Variants in HNF4G observed in about 807,000 individuals in gnomAD.
HNF4G encodes the protein hepatocyte nuclear factor 4-gamma.
Under a neutral mutation model 50.9 loss-of-function variants are expected in HNF4G, and 21 were observed. The ratio of observed to expected loss-of-function variants is 0.41; its 90% CI spans 0.29 to 0.59. The LOEUF is 0.59. HNF4G is among the 20% of genes least tolerant of loss of function. The pLI is 0.26. For missense variants in HNF4G, 527 were observed against 559.4 expected (o/e 0.94, Z 0.58); for synonymous variants, 198 against 185.6 (o/e 1.07, Z -0.54).
At chr8:75,563,838 T>C in intron 9 of HNF4G, 137 bp from the exon 10 acceptor site, 2 of 916,850 alleles carry the variant, frequency 2.2e-6, no homozygotes, top group Non-Finnish European at 3.2e-6. Context: ...TAATGCATTC[T>C]ACAAATCACT....
chr8:75,508,322 A>C (rs1275857499), intron 2 of HNF4G, among the ~76,000 whole-genome samples: 1 of 151,948 alleles, frequency 6.6e-6, no homozygotes, highest in Non-Finnish European at 1.5e-5. Context: ...TATCCAAATA[A>C]AATATGTTTC....
chr8:75,494,770 T>G (rs1051924851), intron 2 of HNF4G, among the ~76,000 whole-genome samples: 45 of 151,976 alleles, frequency 3.0e-4, no homozygotes, highest in African/African-American at 9.9e-4. Context: ...TATGTAGAAA[T>G]AAACATGCAC....
At chr8:75,462,478 C>T (rs1305573086) in intron 1 of HNF4G, among the ~76,000 whole-genome samples, 5 of 152,130 alleles carry the variant, frequency 3.3e-5, no homozygotes, top group Admixed American at 3.3e-4. Flanking sequence ...GAAATGTCAT[C>T]ATGCTACTCA....
chr8:75,437,828 C>T (rs958022600), intron 1 of HNF4G, among the ~76,000 whole-genome samples: 9 of 151,716 alleles, frequency 5.9e-5, no homozygotes, highest in South Asian at 2.1e-4. Context: ...TATAAAGTAA[C>T]GCTGATGAAA....
chr8:75,496,376 TC>T (rs1243275059), intron 2 of HNF4G, among the ~76,000 whole-genome samples: 1 of 152,088 alleles, frequency 6.6e-6, no homozygotes, highest in African/African-American at 2.4e-5. Context: ...ATATTTTTTT[TC>T]AACTCAGTGG....
chr8:75,491,221 G>T (rs1458644256), intron 2 of HNF4G, among the ~76,000 whole-genome samples: 1 of 152,114 alleles, frequency 6.6e-6, no homozygotes, highest in Non-Finnish European at 1.5e-5. Context: ...GGTATATTTG[G>T]AGTGTTAGAA....
chr8:75,440,309 T>C (rs942728137), intron 1 of HNF4G, among the ~76,000 whole-genome samples: 2 of 152,204 alleles, frequency 1.3e-5, no homozygotes, highest in African/African-American at 4.8e-5. Context: ...TTTTAAAGTA[T>C]GCTGTCATTG....
intron 1 of HNF4G, among the ~76,000 whole-genome samples, chr8:75,414,176 T>C (rs1210171210): frequency 6.6e-6 from 1 of 152,094 alleles, no homozygotes. Context: ...AATTTTTCCC[T>C]CCACTACACC....
intron 1 of HNF4G, among the ~76,000 whole-genome samples, chr8:75,480,012 T>A (rs1585880676): frequency 6.6e-6 from 1 of 151,978 alleles, no homozygotes; most frequent in South Asian, 2.1e-4. Flanking sequence ...TAGAAAAAAG[T>A]GTTATTTTTT....
chr8:75,479,961 A>G (rs751742670), intron 1 of HNF4G, among the ~76,000 whole-genome samples: 2 of 144,328 alleles, frequency 1.4e-5, no homozygotes, highest in Admixed American at 6.8e-5. Flanking sequence ...TATGATTTAT[A>G]TAACAGGAAA....
At chr8:75,533,106 G>A (rs967949409) in intron 2 of HNF4G, among the ~76,000 whole-genome samples, 5 of 151,950 alleles carry the variant, frequency 3.3e-5, no homozygotes, top group African/African-American at 1.2e-4. Context: ...TGTACTCAGT[G>A]TAAATGCTAT....
At chr8:75,480,737 G>C (rs1273959760) in intron 1 of HNF4G, among the ~76,000 whole-genome samples, 1 of 62,852 alleles carries the variant, frequency 1.6e-5, no homozygotes, top group Non-Finnish European at 4.2e-5. Context: ...TTTTTTTTTT[G>C]AGACAGAATC....
At chr8:75,434,443 G>T (rs947377512) in intron 1 of HNF4G, among the ~76,000 whole-genome samples, 1 of 152,012 alleles carries the variant, frequency 6.6e-6, no homozygotes, top group African/African-American at 2.4e-5. Context: ...GCCTTAACAA[G>T]CTTATAATAG....
intron 1 of HNF4G, among the ~76,000 whole-genome samples, chr8:75,484,563 T>G (rs925473417): frequency 6.6e-6 from 1 of 152,226 alleles, no homozygotes; most frequent in Non-Finnish European, 1.5e-5. Flanking sequence ...CAGGACCACT[T>G]CAGCCACATT....
chr8:75,499,231 A>C (rs542867767), intron 2 of HNF4G, among the ~76,000 whole-genome samples: 2 of 152,090 alleles, frequency 1.3e-5, no homozygotes, highest in African/African-American at 4.8e-5. Context: ...ATTTCTATAC[A>C]TTAGCAAACA....
intron 1 of HNF4G, among the ~76,000 whole-genome samples, chr8:75,478,778 G>A (rs899991672): frequency 3.3e-5 from 5 of 151,930 alleles, no homozygotes; most frequent in Non-Finnish European, 5.9e-5. Flanking sequence ...GAGTGCAATC[G>A]CGCGATCTGA....
At chr8:75,445,700 G>C (rs368273467) in intron 1 of HNF4G, among the ~76,000 whole-genome samples, 1 of 135,162 alleles carries the variant, frequency 7.4e-6, no homozygotes, top group African/African-American at 3.0e-5. Flanking sequence ...TACATTCCTC[G>C]ACACATACAC....
chr8:75,556,316 A>G lies in HNF4G; in HGVS notation c.733+247A>G, dbSNP rs3779732. ...TAAAAATAAAAAAGAGATGTTGCTC[A>G]ATAAACATAATATTGAGGTATGTTC... is the stretch of plus-strand genomic sequence containing the variant. On this transcript the variant is annotated intron_variant, in intron 6 of 9. Transcript: ENST00000396423. Among the ~76,000 whole-genome samples the G allele has an allele frequency of 6.3e-3, 957 of 152,278 alleles. 29 individuals are homozygous for G. The East Asian group carries it at 0.091, about 14-fold the overall frequency.
At chr8:75,421,891 G>A (rs1810782923) in intron 1 of HNF4G, among the ~76,000 whole-genome samples, 1 of 152,106 alleles carries the variant, frequency 6.6e-6, no homozygotes, top group African/African-American at 2.4e-5. Flanking sequence ...TCTTTATATG[G>A]TTGATGATGC....
Sources: gnomAD v4.1 joint callset for allele counts (sites outside exome capture counted in the v4.1 genomes callset) on GRCh38, gnomAD v4.1.1 for gene constraint, MANE v1.5 for transcripts, NCBI Gene and HGNC (gene_info 2026-07-23, HGNC 2026-07-21) for gene names.